Variants in GMDS observed in about 807,000 individuals in gnomAD.
GMDS encodes the protein GDP-mannose 4,6-dehydratase.
GMDS carries 20 observed loss-of-function variants against 49.9 expected under a neutral mutation model. The observed-to-expected ratio is 0.40, with a 90% CI of 0.28 to 0.58. The LOEUF (loss-of-function observed/expected upper bound fraction) is 0.58, where lower values mean the gene tolerates loss of function less well. Among genes scored for constraint, GMDS ranks in the 20% least tolerant of loss-of-function variants. The pLI is 0.42. For missense variants in GMDS, 362 were observed against 481.4 expected (o/e 0.75, Z 2.32); for synonymous variants, 177 against 178.6 (o/e 0.99, Z 0.07).
intron 1 of GMDS, among the ~76,000 whole-genome samples, chr6:2,230,937 T>A (rs146487054): frequency 4.9e-5 from 1 of 20,606 alleles, no homozygotes; most frequent in Non-Finnish European, 8.7e-5. Flanking sequence ...TCTTCCCCCC[T>A]CCCACCCCCC....
chr6:1,807,981 T>C (rs1770252180), intron 7 of GMDS, among the ~76,000 whole-genome samples: 1 of 152,198 alleles, frequency 6.6e-6, no homozygotes, highest in African/African-American at 2.4e-5. Flanking sequence ...ATATTTACAA[T>C]GGACATAACT....
chr6:2,150,571 G>A (rs934050943), intron 1 of GMDS, among the ~76,000 whole-genome samples: 1 of 151,944 alleles, frequency 6.6e-6, no homozygotes, highest in East Asian at 1.9e-4. Context: ...ACTTCTTTTG[G>A]CTTCAGTTTT....
intron 7 of GMDS, among the ~76,000 whole-genome samples, chr6:1,748,320 A>G (rs1241381211): frequency 6.6e-6 from 1 of 151,950 alleles, no homozygotes; most frequent in African/African-American, 2.4e-5. Context: ...CTTCTATTCA[A>G]TTTCTTTTTC....
chr6:2,195,965 T>C (rs192579685), intron 1 of GMDS, among the ~76,000 whole-genome samples: 121 of 152,168 alleles, frequency 8.0e-4, no homozygotes, highest in African/African-American at 2.8e-3. Flanking sequence ...TATATACATA[T>C]ATAAGTAAAT....
intron 4 of GMDS, among the ~76,000 whole-genome samples, chr6:2,092,011 G>C (rs1056826932): frequency 4.6e-5 from 7 of 152,010 alleles, no homozygotes; most frequent in Admixed American, 1.3e-4. Context: ...AGGGAAGAGT[G>C]GATTCATGGG....
chr6:1,756,667 C>T (rs563826440), intron 7 of GMDS, among the ~76,000 whole-genome samples: 15 of 152,320 alleles, frequency 9.8e-5, no homozygotes, highest in South Asian at 4.1e-4. Context: ...ATGGCCAAGG[C>T]GGACTGACTG....
chr6:1,845,514 T>C (rs1757357913), intron 7 of GMDS, among the ~76,000 whole-genome samples: 1 of 152,216 alleles, frequency 6.6e-6, no homozygotes, highest in Non-Finnish European at 1.5e-5. Flanking sequence ...ATCTAGCATA[T>C]GTTGAGACAT....
At chr6:1,893,957 G>A (rs1338180018) in intron 7 of GMDS, among the ~76,000 whole-genome samples, 1 of 152,198 alleles carries the variant, frequency 6.6e-6, no homozygotes, top group East Asian at 1.9e-4. Context: ...AGCCTGGAGG[G>A]GCTGAGGAAA....
chr6:1,869,557 G>A (rs1449664905), intron 7 of GMDS, among the ~76,000 whole-genome samples: 1 of 152,194 alleles, frequency 6.6e-6, no homozygotes, highest in Non-Finnish European at 1.5e-5. Flanking sequence ...ATTTGGAACT[G>A]TTGATCTGCA....
intron 7 of GMDS, among the ~76,000 whole-genome samples, chr6:1,753,070 A>G (rs1212181450): frequency 1.3e-5 from 2 of 152,258 alleles, no homozygotes; most frequent in South Asian, 2.1e-4. Flanking sequence ...TAATGCCCCA[A>G]TTAAAACTTA....
intron 1 of GMDS, among the ~76,000 whole-genome samples, chr6:2,177,496 C>T (rs777938758): frequency 2.6e-5 from 4 of 152,126 alleles, no homozygotes; most frequent in South Asian, 2.1e-4. Context: ...TTATTCACCA[C>T]GATCAAGTAG....
At chr6:1,692,249 G>A (rs1385075217) in intron 9 of GMDS, among the ~76,000 whole-genome samples, 1 of 152,230 alleles carries the variant, frequency 6.6e-6, no homozygotes, top group African/African-American at 2.4e-5. Flanking sequence ...TGCTTTTAAG[G>A]TTTTGGGACT....
At chr6:1,677,738 T>C (rs546504523) in intron 9 of GMDS, among the ~76,000 whole-genome samples, 333 of 139,212 alleles carry the variant, frequency 2.4e-3, no homozygotes, top group Middle Eastern at 0.013. Flanking sequence ...TAGGTGGGAA[T>C]TGAACAATGA....
chr6:1,816,807 T>A (rs1305362219), intron 7 of GMDS, among the ~76,000 whole-genome samples: 1 of 151,896 alleles, frequency 6.6e-6, no homozygotes, highest in South Asian at 2.1e-4. Context: ...TCTTCTTTTT[T>A]TAAAGTGGTG....
chr6:1,876,662 G>A (rs1759083171), intron 7 of GMDS, among the ~76,000 whole-genome samples: 1 of 152,140 alleles, frequency 6.6e-6, no homozygotes, highest in Non-Finnish European at 1.5e-5. Flanking sequence ...ATGAAAGGAG[G>A]TTATTCATAG....
intron 7 of GMDS, among the ~76,000 whole-genome samples, chr6:1,750,897 C>T (rs370530664): frequency 6.6e-6 from 1 of 152,072 alleles, no homozygotes; most frequent in Non-Finnish European, 1.5e-5. Context: ...GAAGGGGGGT[C>T]GCCATTACTG....
At chr6:1,913,478 T>G (rs1761188752) in intron 7 of GMDS, among the ~76,000 whole-genome samples, 1 of 152,210 alleles carries the variant, frequency 6.6e-6, no homozygotes, top group South Asian at 2.1e-4. Flanking sequence ...CCAAGGAAAT[T>G]TGGTAGCAAA....
At chr6:1,808,726 T>C (rs1770282634) in intron 7 of GMDS, among the ~76,000 whole-genome samples, 1 of 152,244 alleles carries the variant, frequency 6.6e-6, no homozygotes, top group African/African-American at 2.4e-5. Flanking sequence ...GATCAACTTA[T>C]CTTGAGAATT....
At chr6:1,840,547 C>G (rs934595977) in intron 7 of GMDS, among the ~76,000 whole-genome samples, 1 of 152,124 alleles carries the variant, frequency 6.6e-6, no homozygotes, top group African/African-American at 2.4e-5. Context: ...CACACTATAC[C>G]CCAGCAGAGA....
Sources: gnomAD v4.1 joint callset for allele counts (sites outside exome capture counted in the v4.1 genomes callset) on GRCh38, gnomAD v4.1.1 for gene constraint, MANE v1.5 for transcripts, NCBI Gene and HGNC (gene_info 2026-07-23, HGNC 2026-07-21) for gene names.